TRMU: variants seen among roughly 807,000 people sequenced by gnomAD.
The protein encoded by TRMU is tRNA mitochondrial 2-thiouridylase.
In TRMU, 49 loss-of-function variants were observed where a neutral mutation model predicts 46.9. The observed-to-expected ratio is 1.05, with a 90% CI of 0.83 to 1.33. The LOEUF (loss-of-function observed/expected upper bound fraction) is 1.33. TRMU is among the 40% of genes most tolerant of loss of function. The pLI is 0.00. For synonymous variants in TRMU, 241 were observed against 200.9 expected (o/e 1.20, Z -1.69); for missense variants, 572 against 532.4 (o/e 1.07, Z -0.73).
In TRMU at chr22:46,353,140, C is replaced by T. The variant is rs370656607; in HGVS notation, c.773-627C>T. The T allele has an allele frequency of 8.4e-4, 136 of 162,318 alleles. 7 individuals carry two copies. In the South Asian group the frequency reaches 0.021, roughly 25 times the overall value. 10.1% of individuals were successfully genotyped at this position (162,318 alleles called of 1,614,324 possible). A position where few individuals can be genotyped will look rare whatever the true frequency, so the allele number is the denominator to read the frequency against. The stretch of plus-strand genomic sequence containing the variant: ...ACAGCTTTGCTTGGGACAGAACTGC[C>T]AGACAGGATTGCCCATGTATCTGCC... On this transcript the variant is annotated intron_variant, in intron 7 of 10. Transcript: ENST00000645190.
At chr22:46,355,376 A>T in intron 8 of TRMU, 68 bp from the exon 9 acceptor site, 4 of 1,586,964 alleles carry the variant, frequency 2.5e-6, no homozygotes, top group Non-Finnish European at 2.6e-6. Flanking sequence ...GTTCCCAGGG[A>T]CCACACTGAG....
chr22:46,354,871 C>T (rs376683669), intron 8 of TRMU: 1,639 of 160,278 alleles, frequency 0.01, 29 homozygotes, highest in African/African-American at 0.036. Context: ...CTCAATGGCC[C>T]GAGGCCATGG....
At chr22:46,352,092 C>T (rs774030494) in intron 5 of TRMU, 29 bp from the exon 6 acceptor site, 1 of 1,612,120 alleles carries the variant, frequency 6.2e-7, no homozygotes, top group South Asian at 1.1e-5. Flanking sequence ...ACTTCTGCTC[C>T]TCTCACGGCT....
rs1210586261 is a variant in TRMU, at chr22:46,350,598, A to G, written c.651+135A>G. 3 of 1,132,614 alleles carry G rather than the reference A, an allele frequency of 2.6e-6. No homozygotes were observed. Among genetic ancestry groups the G allele is most frequent in the South Asian group, 1.3e-5 (1 of 77,932 alleles). The allele number at this position is 1,132,614 out of a possible 1,614,324, so 70.2% of individuals were successfully genotyped here. ...AACATCAAAGGCGGGCCTTGGAGCAATAGATGGAGGAGTTTGCTGAGGCGC... is the reference window on the plus strand; with the variant it reads ...AACATCAAAGGCGGGCCTTGGAGCAGTAGATGGAGGAGTTTGCTGAGGCGC... On this transcript the variant is annotated intron_variant, in intron 5 of 10. Transcript: ENST00000645190. This position sits in a 1 kb window ranked among gnomAD's most constrained non-coding sequence, Gnocchi z 4.6.
At chr22:46,356,545 T>C in intron 10 of TRMU, 1 of 482,636 alleles carries the variant, frequency 2.1e-6, no homozygotes, top group Non-Finnish European at 3.8e-6. Context: ...CTGTCACAGC[T>C]CCACATTCCC....
chr22:46,351,954 C>G lies in TRMU; in HGVS notation c.652-167C>G. The G allele has an allele frequency of 6.4e-6, 5 of 786,816 alleles. No homozygotes were observed. Among genetic ancestry groups the G allele is most frequent in the Non-Finnish European group, 9.0e-6 (4 of 442,358 alleles). 48.7% of individuals were successfully genotyped at this position (786,816 alleles called of 1,614,324 possible). On this transcript the variant is annotated intron_variant, in intron 5 of 10. Transcript: ENST00000645190. This position sits in a 1 kb window ranked among gnomAD's most constrained non-coding sequence, Gnocchi z 6.4. ...CTCTAAGGCTCTGGCATCGTGTGCG[C>G]CGGCTGTGACTGGCGGCCGAGGGTG...
chr22:46,341,070 A>T (rs1310230692), intron 2 of TRMU, among the ~76,000 whole-genome samples: 1 of 152,216 alleles, frequency 6.6e-6, no homozygotes, highest in East Asian at 1.9e-4. Flanking sequence ...GATACGTTTT[A>T]GCTGCTGAGT....
chr22:46,344,351 G>A (rs781581110), intron 3 of TRMU, among the ~76,000 whole-genome samples: 12 of 152,190 alleles, frequency 7.9e-5, no homozygotes, highest in African/African-American at 2.7e-4. Context: ...TGGTTAGACC[G>A]TATTAGTTAT....
At chr22:46,352,491 C>T (rs2078462253) in intron 7 of TRMU, 161 bp downstream of exon 7, 2 of 770,876 alleles carry the variant, frequency 2.6e-6, no homozygotes, top group East Asian at 5.3e-5. Context: ...TAGGGTGGAA[C>T]AGTTGCCTTG....
intron 3 of TRMU, among the ~76,000 whole-genome samples, 195 bp downstream of exon 3, chr22:46,343,563 T>C (rs2078178534): frequency 6.6e-6 from 1 of 152,068 alleles, no homozygotes; most frequent in South Asian, 2.1e-4. Flanking sequence ...TTTGTGGAGA[T>C]GGTGTCACAA....
rs909337859 is a variant in TRMU at position 46,348,207 on chromosome 22, G to A, written c.478+1663G>A. ...GAGGAGATGGAGGGTTAATTTCCAT[G>A]TTGAATAGATGCGCCTGCTTACCTC... is the stretch of plus-strand genomic sequence containing the variant. On this transcript the variant is annotated intron_variant, in intron 4 of 10. Coordinates refer to ENST00000645190, the MANE Select transcript of TRMU (RefSeq NM_018006.5). The surrounding 1 kb of genome is among the most constrained non-coding windows in gnomAD (Gnocchi z 4.8). Among the ~76,000 whole-genome samples, 12 of 152,212 alleles carry A rather than the reference G, an allele frequency of 7.9e-5. No individual in the cohort carries two copies. The highest frequency in any genetic ancestry group is 2.9e-4 in the African/African-American group (12 of 41,454).
intron 2 of TRMU, among the ~76,000 whole-genome samples, chr22:46,341,064 C>T (rs1037138564): frequency 1.2e-4 from 19 of 152,246 alleles, no homozygotes; most frequent in Non-Finnish European, 2.4e-4. Context: ...AGTCCAGATA[C>T]GTTTTAGCTG....
rs200930758 is a variant in TRMU at position 46,353,875 on chromosome 22, G to A, written c.873+8G>A. 1.9e-6 allele frequency: 3 copies of A among 1,612,944 alleles called. No homozygotes were observed. The highest frequency in any genetic ancestry group is 2.5e-6 in the Non-Finnish European group (3 of 1,179,340). ...AAGGGTGACGTGTTTGTGGTGAGTG[G>A]GCCGGCCTCTGAGACAGCACTGGGG... is the stretch of plus-strand genomic sequence containing the variant. On this transcript the variant is annotated splice_region_variant and intron_variant, in intron 8 of 10. Coordinates refer to ENST00000645190, the MANE Select transcript of TRMU (RefSeq NM_018006.5).
chr22:46,352,073 G>T, intron 5 of TRMU, 48 bp from the exon 6 acceptor site: 1 of 1,606,774 alleles, frequency 6.2e-7, no homozygotes. Flanking sequence ...TACAGCTTGG[G>T]CCACCGCCAC....
At chr22:46,343,140 A>C in intron 2 of TRMU, 122 bp from the exon 3 acceptor site, 1 of 741,194 alleles carries the variant, frequency 1.3e-6, no homozygotes, top group Non-Finnish European at 2.3e-6. Context: ...CCTGTTTTGC[A>C]GAAAATTATA....
chr22:46,339,084 A>C lies in TRMU; in HGVS notation c.248+1140A>C, dbSNP rs1342485416. On this transcript the variant is annotated intron_variant, in intron 2 of 10. Transcript: ENST00000645190. The surrounding 1 kb of genome is among the most constrained non-coding windows in gnomAD (Gnocchi z 4.8). ...TGATGCCTCACAGGGTTATGAAAGA[A>C]TTGAGATTAGGTTCTAGTATGTATG... Among the ~76,000 whole-genome samples, 1 of 150,214 alleles carries C rather than the reference A, an allele frequency of 6.7e-6. No individual in the cohort carries two copies. The highest frequency in any genetic ancestry group is 6.6e-5 in the Admixed American group (1 of 15,238).
chr22:46,337,985 G>T, intron 2 of TRMU, 41 bp downstream of exon 2: 1 of 1,613,208 alleles, frequency 6.2e-7, no homozygotes, highest in Non-Finnish European at 8.5e-7. Flanking sequence ...TCCTCACACT[G>T]TGGATCCTTG....
Position 46,353,788 on chromosome 22 carries a change from G to A in TRMU, c.794G>A (p.Gly265Asp). The change falls in exon 8 of 11, where the codon GGC (glycine) becomes GAC (aspartate). Residue 265 changes from glycine to aspartate, a missense_variant. Coordinates refer to ENST00000645190, the MANE Select transcript of TRMU (RefSeq NM_018006.5). ...THKGWFLYTL[G>D]QRANIGGLRE... Reference sequence around the variant, plus strand: ...GTAGGTTGGTTCCTGTATACCTTGGGCCAGAGAGCAAACATAGGTGGCCTG... The same window carrying A: ...GTAGGTTGGTTCCTGTATACCTTGGACCAGAGAGCAAACATAGGTGGCCTG... 1 of 1,613,930 alleles carries A rather than the reference G, an allele frequency of 6.2e-7. No individual in the cohort carries two copies. Among genetic ancestry groups the A allele is most frequent in the African/African-American group, 1.3e-5 (1 of 75,048 alleles).
At chr22:46,354,230 AGTT>A (rs2078526219) in intron 8 of TRMU, 1 of 317,794 alleles carries the variant, frequency 3.1e-6, no homozygotes, top group Non-Finnish European at 6.2e-6. Flanking sequence ...GGATCCAGTG[AGTT>A]GTTGTCAGGC....
Sources: gnomAD v4.1 joint callset for allele counts (sites outside exome capture counted in the v4.1 genomes callset) on GRCh38, gnomAD v4.1.1 for gene constraint, Gnocchi (gnomAD v3.1) non-coding constraint, MANE v1.5 for transcripts, NCBI Gene and HGNC (gene_info 2026-07-23, HGNC 2026-07-21) for gene names.